The following ITGA2B variants were observed in gnomAD, a reference collection of about 807,000 sequenced individuals.
ITGA2B encodes the protein integrin alpha-IIb.
ITGA2B carries 91 observed loss-of-function variants against 142.0 expected under a neutral mutation model. The observed-to-expected ratio is 0.64, with a 90% CI of 0.54 to 0.76. ITGA2B has a LOEUF of 0.76. Among genes scored for constraint, ITGA2B ranks in the 30% least tolerant of loss-of-function variants. ITGA2B has a pLI of 0.00. For synonymous variants in ITGA2B, 536 were observed against 567.2 expected (o/e 0.94, Z 0.78); for missense variants, 1,231 against 1,350.8 (o/e 0.91, Z 1.39).
rs760797257 is a variant in ITGA2B, at chr17:44,378,379, C to T, written c.2077G>A (p.Ala693Thr). 71 of 1,612,000 alleles carry T rather than the reference C, an allele frequency of 4.4e-5. No homozygotes were observed. Among genetic ancestry groups the T allele is most frequent in the Non-Finnish European group, 5.7e-5 (67 of 1,179,738 alleles). The change falls in exon 20 of 30, where the codon GCC becomes ACC. Residue 693 changes from alanine to threonine, a missense_variant. Physicochemically the swap from Ala to Thr is moderately conservative, Grantham distance 58. This residue lies in a region of ITGA2B where 908 missense variants were observed against 1,021.1 expected (regional missense o/e 0.89). Transcript: ENST00000262407. ...HLPQGAHYMR[A>T]LSNVEGFERL... ...GGCCATACCTCGACATTGCTTAGGG[C>T]CCGCATGTAGTGGGCGCCCTGGGGC...
At chr17:44,374,228 A>G in intron 29 of ITGA2B, 126 bp downstream of exon 29, 1 of 822,492 alleles carries the variant, frequency 1.2e-6, no homozygotes, top group Non-Finnish European at 2.1e-6. Flanking sequence ...CTAATAGTGG[A>G]GACATAGACC....
Position 44,388,818 on chromosome 17 carries a change from C to CTTTTTTTTT in ITGA2B, c.188+459_188+467dup, listed in dbSNP as rs758076614. ...AGGTGTGAGCCACTGTGCCTGGTCT[C>CTTTTTTTTT]TTTTTTTTTTTTTTTTTTGTATTTT... On this transcript the variant is annotated intron_variant, in intron 1 of 29. Transcript: ENST00000262407. 2.0e-4 allele frequency among the ~76,000 whole-genome samples: 26 copies of CTTTTTTTTT among 132,168 alleles called. 2 individuals are homozygous for CTTTTTTTTT. Among genetic ancestry groups the CTTTTTTTTT allele is most frequent in the Admixed American group, 2.3e-4 (3 of 12,980 alleles). The allele number at this position is 132,168 out of a possible 152,430, so 86.7% of individuals were successfully genotyped here.
At chr17:44,376,937 G>A (rs1369658909) in intron 22 of ITGA2B, 72 bp downstream of exon 22, 2 of 1,243,758 alleles carry the variant, frequency 1.6e-6, no homozygotes, top group Admixed American at 3.9e-5. Flanking sequence ...TGTATGGAAG[G>A]GACCTGAGGG....
chr17:44,385,376 G>C, intron 4 of ITGA2B, 41 bp from the exon 5 acceptor site: 1 of 1,593,364 alleles, frequency 6.3e-7, no homozygotes, highest in Non-Finnish European at 8.5e-7. Flanking sequence ...AGGGGTGAAG[G>C]GAGGCGCGCG....
intron 12 of ITGA2B, 110 bp from the exon 13 acceptor site, chr17:44,381,171 T>A: frequency 9.2e-7 from 1 of 1,091,616 alleles, no homozygotes; most frequent in South Asian, 1.6e-5. Context: ...AGGAAAGGGG[T>A]GCAAAGTGTG....
chr17:44,381,101 C>T (rs2048593676), intron 12 of ITGA2B, 40 bp from the exon 13 acceptor site: 2 of 1,597,072 alleles, frequency 1.3e-6, no homozygotes, highest in Non-Finnish European at 1.7e-6. Context: ...GATTGTTATT[C>T]AGCCTCCCTA....
In ITGA2B at chr17:44,389,374, G is replaced by A. The variant is rs767563149; in HGVS notation, c.100C>T (p.Leu34=). The A allele has an allele frequency of 1.9e-6, 3 of 1,614,138 alleles. No individual in the cohort carries two copies. The highest frequency in any genetic ancestry group is 1.1e-5 in the South Asian group (1 of 91,078). ...TAGAAGGTGAGCTGCACTGGGTCCAGGTTCAAGGCCCAGGCTGGAGGGGCA... is the reference window on the plus strand; with the variant it reads ...TAGAAGGTGAGCTGCACTGGGTCCAAGTTCAAGGCCCAGGCTGGAGGGGCA... ...CAAPPAWALN[L]DPVQLTFYAG... Residue 34 remains leucine (L), a synonymous_variant, in exon 1 of 30, where the codon CTG becomes TTG. Transcript: ENST00000262407.
At chr17:44,384,429 C>G (rs1224201725) in intron 8 of ITGA2B, 75 bp from the exon 9 acceptor site, 2 of 1,606,020 alleles carry the variant, frequency 1.2e-6, no homozygotes, top group Admixed American at 1.7e-5. Flanking sequence ...CGTTCTGCAC[C>G]CAGGGAAAAA....
chr17:44,375,879 T>TG lies in ITGA2B; in HGVS notation c.2554dup (p.Gln852ProfsTer71), dbSNP rs1567898652. 1 of 1,605,448 alleles carries TG rather than the reference T, an allele frequency of 6.2e-7. No individual in the cohort carries two copies. The highest frequency in any genetic ancestry group is 1.3e-5 in the African/African-American group (1 of 74,994). On this transcript the variant is annotated frameshift_variant, in exon 25 of 30. Coordinates refer to ENST00000262407, the MANE Select transcript of ITGA2B (RefSeq NM_000419.5). LOFTEE classifies it high-confidence loss of function. The stretch of plus-strand genomic sequence containing the variant: ...CTGTGGGAAGCACTGAAGGCCCCCC[T>TG]GGGGCTGTATATCCAGGATGTAGAG...
intron 18 of ITGA2B, 67 bp downstream of exon 18, chr17:44,379,622 C>G: frequency 6.2e-7 from 1 of 1,612,216 alleles, no homozygotes. Flanking sequence ...TGACTTGGCA[C>G]TAACCCTAAT....
Position 44,374,929 on chromosome 17 carries a change from C to A in ITGA2B, c.2841+69G>T. ...TCTTCCTGCCCTCCCACACCAAACCCCGCCCCTCCCAGAGCAAAGTGGTCC... is the reference window on the plus strand; with the variant it reads ...TCTTCCTGCCCTCCCACACCAAACCACGCCCCTCCCAGAGCAAAGTGGTCC... On this transcript the variant is annotated intron_variant, in intron 27 of 29. Transcript: ENST00000262407. 2.9e-6 allele frequency: 4 copies of A among 1,402,340 alleles called. No homozygotes were observed. In the South Asian group the frequency reaches 3.7e-5, roughly 13 times the overall value. The allele number at this position is 1,402,340 out of a possible 1,614,324, so 86.9% of individuals were successfully genotyped here. A position where few individuals can be genotyped will look rare whatever the true frequency, so the allele number is the denominator to read the frequency against.
In ITGA2B at chr17:44,385,016, A is replaced by G; in HGVS notation, c.731T>C (p.Leu244Ser). 1 of 1,614,082 alleles carries G rather than the reference A, an allele frequency of 6.2e-7. No homozygotes were observed. The change falls in exon 7 of 30, where the codon TTG (leucine) becomes TCG (serine). Residue 244 changes from leucine to serine, a missense_variant. Transcript: ENST00000262407. ...IFSSYRPGILLWHVSSQSLSF... is the reference protein window; with the variant it reads ...IFSSYRPGILSWHVSSQSLSF... ...GAGGCTCTGGGAGGACACGTGCCAC[A>G]AAAGGATGCCTGGGCGGTAACTCGA...
rs767588159 is a variant in ITGA2B at position 44,380,293 on chromosome 17, A to T, written c.1553T>A (p.Ile518Asn). 5 of 1,614,038 alleles carry T rather than the reference A, an allele frequency of 3.1e-6. No homozygotes were observed. The highest frequency in any genetic ancestry group is 4.2e-6 in the Non-Finnish European group (5 of 1,180,038). ...CCCAGTGGCTCCAACACACATCTGG[A>T]TGTTGAAGCTGCAAAGACGTAAGTG... Reference protein sequence around the residue: ...QTKTPVSCFNIQMCVGATGHN... With the variant: ...QTKTPVSCFNNQMCVGATGHN... Residue 518 changes from isoleucine (I) to asparagine (N), a missense_variant, in exon 16 of 30, where the codon ATC becomes AAC. Physicochemically the swap from Ile to Asn is moderately radical, Grantham distance 149. Transcript: ENST00000262407.
Position 44,377,695 on chromosome 17 carries a change from C to T in ITGA2B, c.2187+3G>A. 6.2e-7 allele frequency: 1 copy of T among 1,612,274 alleles called. No individual in the cohort carries two copies. Among genetic ancestry groups the T allele is most frequent in the South Asian group, 1.1e-5 (1 of 91,034 alleles). ...ACCCGGTACCACGACCCAGCAGCCT[C>T]ACCTGGGCGTTCTTCTTCATGGGGT... On this transcript the variant is annotated splice_donor_region_variant and intron_variant, in intron 21 of 29. Transcript: ENST00000262407.
At position 44,380,590 on chromosome 17, in the gene ITGA2B, CA is replaced by C. The variant is rs757479443; in HGVS notation, c.1439+9del. 1.2e-5 allele frequency: 20 copies of C among 1,614,234 alleles called. No individual in the cohort carries two copies. The South Asian group carries it at 2.1e-4, about 17-fold the overall frequency. On this transcript the variant is annotated intron_variant, in intron 14 of 29. Coordinates refer to ENST00000262407, the MANE Select transcript of ITGA2B (RefSeq NM_000419.5). ...ACCTTCCCCATCCCGCCCCTGGAGC[CA>C]GTGCTCACCTGTACACAGCCACCTG...
chr17:44,384,101 C>G lies in ITGA2B; in HGVS notation c.929G>C (p.Arg310Pro). 6.2e-7 allele frequency: 1 copy of G among 1,613,740 alleles called. No individual in the cohort carries two copies. The highest frequency in any genetic ancestry group is 8.5e-7 in the Non-Finnish European group (1 of 1,179,920). Residue 310 changes from arginine (R) to proline (P), a missense_variant, in exon 10 of 30, where the codon CGG becomes CCG. Arg to Pro is a moderately radical substitution (Grantham distance 103). Transcript: ENST00000262407. ...ILDSYYQRLH[R>P]LRGEQMASYF... The stretch of plus-strand genomic sequence containing the variant: ...GGCCCCCACCTGCTCTCCGCGCAGC[C>G]GATGCAGCCTCTGGTAGTAGGAATC...
rs758296583 is a variant in ITGA2B, at chr17:44,372,326, C to T, written c.*38G>A. The T allele has an allele frequency of 4.0e-5, 64 of 1,605,726 alleles. No homozygotes were observed. Among genetic ancestry groups the T allele is most frequent in the Middle Eastern group, 3.3e-4 (2 of 6,068 alleles). ...TGGAGAAGGGGCGGTGCAGGTAGCA[C>T]GCCCAACCCTCCTGCTAGAATAGTG... On this transcript the variant is annotated 3_prime_UTR_variant, in exon 30 of 30. Coordinates refer to ENST00000262407, the MANE Select transcript of ITGA2B (RefSeq NM_000419.5).
rs745955635 is a variant in ITGA2B at position 44,380,695 on chromosome 17, CTCA to C, written c.1394-53_1394-51del. ...GAATTGGCGATTAGGGCATGGGATC[CTCA>C]TCTCATCTTCCCAGGGGTTCCCCAC... On this transcript the variant is annotated intron_variant, in intron 13 of 29. Transcript: ENST00000262407. 32 of 1,612,304 alleles carry C rather than the reference CTCA, an allele frequency of 2.0e-5. No individual in the cohort carries two copies. The East Asian group carries it at 4.9e-4, about 25-fold the overall frequency.
Position 44,385,535 on chromosome 17 carries a change from C to T in ITGA2B, c.574+16G>A, listed in dbSNP as rs1368513362. 1.3e-6 allele frequency: 2 copies of T among 1,546,320 alleles called. No individual in the cohort carries two copies. Among genetic ancestry groups the T allele is most frequent in the Non-Finnish European group, 1.7e-6 (2 of 1,151,804 alleles). On this transcript the variant is annotated intron_variant, in intron 4 of 29. Transcript: ENST00000262407. ...CCGTCGCGAGTGGGCGGGGCCAGGT[C>T]GTAGCTGGCGCTTACTAAAATCATT... is the stretch of plus-strand genomic sequence containing the variant.
Sources: gnomAD v4.1 joint callset for allele counts (sites outside exome capture counted in the v4.1 genomes callset) on GRCh38, gnomAD v4.1.1 for gene constraint, gnomAD v4.1.1 regional missense constraint, MANE v1.5 for transcripts, NCBI Gene and HGNC (gene_info 2026-07-23, HGNC 2026-07-21) for gene names.